The following DLG2 variants were observed in gnomAD, a reference collection of about 807,000 sequenced individuals.
The protein encoded by DLG2 is discs large MAGUK scaffold protein 2.
A neutral mutation model predicts 132.5 loss-of-function variants in DLG2; 45 were observed. The observed-to-expected ratio is 0.34, with a 90% CI of 0.27 to 0.44. The LOEUF (loss-of-function observed/expected upper bound fraction) is 0.44. DLG2 is among the 20% of genes least tolerant of loss of function. DLG2 has a pLI of 1.00. For synonymous variants in DLG2, 424 were observed against 419.6 expected (o/e 1.01, Z -0.13); for missense variants, 1,045 against 1,196.9 (o/e 0.87, Z 1.87).
intron 15 of DLG2, among the ~76,000 whole-genome samples, chr11:83,929,582 G>A (rs1164042354): frequency 6.6e-6 from 1 of 152,116 alleles, no homozygotes; most frequent in East Asian, 1.9e-4. Context: ...TCTTTACAAA[G>A]TTGTTGAAAG....
At chr11:85,569,317 C>A (rs542241526) in intron 3 of DLG2, among the ~76,000 whole-genome samples, 2 of 152,272 alleles carry the variant, frequency 1.3e-5, no homozygotes, top group Non-Finnish European at 2.9e-5. Flanking sequence ...CAGGCATGAG[C>A]CACCACACCC....
intron 6 of DLG2, among the ~76,000 whole-genome samples, chr11:84,944,767 G>A (rs2049978800): frequency 6.6e-6 from 1 of 151,990 alleles, no homozygotes; most frequent in Non-Finnish European, 1.5e-5. Flanking sequence ...ACCATGCCCG[G>A]CTAATTTTTT....
At chr11:84,752,559 T>C (rs771338068) in intron 6 of DLG2, among the ~76,000 whole-genome samples, 9 of 138,874 alleles carry the variant, frequency 6.5e-5, no homozygotes, top group Non-Finnish European at 8.0e-5. Flanking sequence ...TTTGGTTTTC[T>C]TTTTCTTTTT....
At chr11:84,257,679 ATTTTTTT>A (rs1172548999) in intron 7 of DLG2, among the ~76,000 whole-genome samples, 117 of 105,920 alleles carry the variant, frequency 1.1e-3, no homozygotes, top group Non-Finnish European at 1.7e-3. Context: ...TTATCTCTGG[ATTTTTTT>A]TTTTTTTTTT....
intron 16 of DLG2, among the ~76,000 whole-genome samples, chr11:83,854,128 A>C (rs1028541654): frequency 3.9e-5 from 6 of 152,130 alleles, no homozygotes; most frequent in Non-Finnish European, 7.4e-5. Context: ...TGCCATTTAT[A>C]TTAGCACCCC....
At chr11:85,296,247 T>C (rs1186699273) in intron 3 of DLG2, among the ~76,000 whole-genome samples, 1 of 152,148 alleles carries the variant, frequency 6.6e-6, no homozygotes, top group African/African-American at 2.4e-5. Context: ...ATGGTGATTT[T>C]ATGCAATTTT....
chr11:85,459,668 G>A (rs562063635), intron 3 of DLG2, among the ~76,000 whole-genome samples: 1 of 152,288 alleles, frequency 6.6e-6, no homozygotes, highest in South Asian at 2.1e-4. Flanking sequence ...TGCTGGAGAT[G>A]CCCATGTAGT....
chr11:84,752,593 G>A (rs1043685482), intron 6 of DLG2, among the ~76,000 whole-genome samples: 1 of 127,604 alleles, frequency 7.8e-6, no homozygotes, highest in Admixed American at 8.1e-5. Flanking sequence ...TATACTTTAA[G>A]TTTTAGGGTA....
At chr11:84,800,116 T>G (rs1234458776) in intron 6 of DLG2, among the ~76,000 whole-genome samples, 1 of 152,122 alleles carries the variant, frequency 6.6e-6, no homozygotes, top group African/African-American at 2.4e-5. Context: ...AGACTAAAAT[T>G]TTAAAAATCT....
At chr11:85,502,070 A>G (rs1462639946) in intron 3 of DLG2, among the ~76,000 whole-genome samples, 1 of 152,204 alleles carries the variant, frequency 6.6e-6, no homozygotes, top group Non-Finnish European at 1.5e-5. Flanking sequence ...CATATACTCC[A>G]TGGAATACTA....
intron 3 of DLG2, among the ~76,000 whole-genome samples, chr11:85,346,062 T>C (rs1278617692): frequency 6.6e-6 from 1 of 152,026 alleles, no homozygotes; most frequent in African/African-American, 2.4e-5. Context: ...AAAGAACAGC[T>C]ACTCCATAGA....
At chr11:85,184,324 T>C (rs1442261350) in intron 4 of DLG2, among the ~76,000 whole-genome samples, 1 of 150,968 alleles carries the variant, frequency 6.6e-6, no homozygotes, top group African/African-American at 2.4e-5. Context: ...AACAAGGGGA[T>C]TTTTTTTTAT....
At chr11:84,216,776 T>A (rs1003920977) in intron 8 of DLG2, among the ~76,000 whole-genome samples, 3 of 152,210 alleles carry the variant, frequency 2.0e-5, no homozygotes, top group African/African-American at 7.2e-5. Flanking sequence ...AAATGTTATA[T>A]TGCTCATAGT....
chr11:84,283,862 C>T (rs192327370), intron 7 of DLG2, among the ~76,000 whole-genome samples: 4 of 152,110 alleles, frequency 2.6e-5, no homozygotes, highest in African/African-American at 9.6e-5. Context: ...ATTACAATTT[C>T]AAAAATATAT....
intron 6 of DLG2, among the ~76,000 whole-genome samples, chr11:85,035,657 C>T (rs2061377411): frequency 5.3e-5 from 8 of 152,106 alleles, no homozygotes; most frequent in Admixed American, 5.2e-4. Flanking sequence ...CAAATCGTAT[C>T]AGATACAAAC....
chr11:85,476,116 T>A (rs1163860790), intron 3 of DLG2, among the ~76,000 whole-genome samples: 1 of 152,146 alleles, frequency 6.6e-6, no homozygotes, highest in Non-Finnish European at 1.5e-5. Context: ...TTAGGCTACA[T>A]GGTATAGCCT....
rs2090131049 is a variant in DLG2 at position 83,462,061 on chromosome 11, G to A, written c.2762C>T (p.Ala921Val). Residue 921 changes from alanine to valine, a missense_variant, in exon 27 of 28, where the codon GCC becomes GTC. Transcript: ENST00000376104. ...EMNKRLTEEQ[A>V]KKTYDRAIKL... ...AATTGCTCGATCATAGGTTTTCTTG[G>A]CTTGTTCCTCTGTTAGACGCTTATT... 1 of 1,613,074 alleles carries A rather than the reference G, an allele frequency of 6.2e-7. No homozygotes were observed. Among genetic ancestry groups the A allele is most frequent in the Non-Finnish European group, 8.5e-7 (1 of 1,179,210 alleles).
intron 18 of DLG2, among the ~76,000 whole-genome samples, chr11:83,665,349 A>G (rs534324984): frequency 1.3e-5 from 2 of 152,306 alleles, no homozygotes; most frequent in South Asian, 4.2e-4. Flanking sequence ...GGCAATGGAG[A>G]TACGACAGTG....
At chr11:85,051,308 A>T (rs113714813) in intron 6 of DLG2, among the ~76,000 whole-genome samples, 115 of 152,282 alleles carry the variant, frequency 7.6e-4, no homozygotes, top group African/African-American at 2.4e-3. Flanking sequence ...ACTCTGTAAG[A>T]AGATAGACCA....
Sources: gnomAD v4.1 joint callset for allele counts (sites outside exome capture counted in the v4.1 genomes callset) on GRCh38, gnomAD v4.1.1 for gene constraint, MANE v1.5 for transcripts, NCBI Gene and HGNC (gene_info 2026-07-23, HGNC 2026-07-21) for gene names.